WDR49: variants seen among roughly 807,000 people sequenced by gnomAD.
WDR49 encodes the protein cilia- and flagella-associated protein 337.
In WDR49, 107 loss-of-function variants were observed where a neutral mutation model predicts 119.5. The observed-to-expected ratio is 0.90, with a 90% confidence interval of 0.77 to 1.05. The LOEUF (loss-of-function observed/expected upper bound fraction) is 1.05, where lower values mean the gene tolerates loss of function less well. Among genes scored for constraint, WDR49 ranks in the 50% least tolerant of loss-of-function variants. The pLI, the probability that WDR49 is intolerant of heterozygous loss-of-function variation, is 0.00. For missense variants in WDR49, 1,240 were observed against 1,220.5 expected (o/e 1.02, Z -0.24); for synonymous variants, 425 against 418.8 (o/e 1.01, Z -0.18).
At chr3:167,620,659 G>C in intron 4 of WDR49, 56 bp from the exon 5 acceptor site, 4 of 1,445,578 alleles carry the variant, frequency 2.8e-6, no homozygotes, top group Non-Finnish European at 3.6e-6. Context: ...GTTGCAAGAA[G>C]ATTCTAGGTT....
chr3:167,527,514 CT>C (rs1248055580), intron 15 of WDR49, among the ~76,000 whole-genome samples: 17 of 151,894 alleles, frequency 1.1e-4, no homozygotes, highest in Non-Finnish European at 2.4e-4. Flanking sequence ...CCACGTTGAA[CT>C]TTTACTAAAT....
intron 7 of WDR49, among the ~76,000 whole-genome samples, chr3:167,600,923 G>T (rs914651504): frequency 6.6e-6 from 1 of 152,058 alleles, no homozygotes; most frequent in African/African-American, 2.4e-5. Context: ...AGTAGATGGG[G>T]GGAGCTTTGT....
chr3:167,604,188 G>T (rs757675465), intron 6 of WDR49, 113 bp downstream of exon 6: 1 of 1,230,822 alleles, frequency 8.1e-7, no homozygotes. Flanking sequence ...TGAGCTTCTC[G>T]AGATGGTCTC....
At chr3:167,546,771 A>AACTT (rs1315383906) in intron 10 of WDR49, among the ~76,000 whole-genome samples, 1 of 151,816 alleles carries the variant, frequency 6.6e-6, no homozygotes, top group African/African-American at 2.4e-5. Context: ...TTTTAACCCA[A>AACTT]ACTTATCATG....
chr3:167,540,702 A>T (rs1002675519), intron 10 of WDR49, among the ~76,000 whole-genome samples: 4 of 150,968 alleles, frequency 2.6e-5, no homozygotes, highest in Non-Finnish European at 5.9e-5. Context: ...ACCAAGAAGA[A>T]ACCTCTGAAT....
chr3:167,621,995 T>G (rs549023131), intron 3 of WDR49, among the ~76,000 whole-genome samples: 15 of 152,258 alleles, frequency 9.9e-5, no homozygotes, highest in East Asian at 7.7e-4. Context: ...TTACAAACCA[T>G]GTTTTATGAT....
chr3:167,611,367 A>G (rs904964424), intron 5 of WDR49, among the ~76,000 whole-genome samples: 1 of 152,200 alleles, frequency 6.6e-6, no homozygotes, highest in Admixed American at 6.5e-5. Flanking sequence ...AAGAAACTAA[A>G]TCATATCATC....
intron 2 of WDR49, among the ~76,000 whole-genome samples, chr3:167,648,963 A>G (rs921296503): frequency 2.0e-5 from 3 of 152,194 alleles, no homozygotes. Flanking sequence ...GCATTGTTGG[A>G]TAGCATAATA....
At chr3:167,531,414 A>C in intron 12 of WDR49, 135 bp from the exon 13 acceptor site, 1 of 981,620 alleles carries the variant, frequency 1.0e-6, no homozygotes, top group Non-Finnish European at 1.5e-6. Flanking sequence ...TCCAGTCAAC[A>C]TCTATCAAGC....
chr3:167,521,924 A>T (rs1184077926), intron 16 of WDR49, among the ~76,000 whole-genome samples: 1 of 152,078 alleles, frequency 6.6e-6, no homozygotes, highest in African/African-American at 2.4e-5. Context: ...ACCGCTGTGC[A>T]CTTTATCAAA....
At chr3:167,654,282 A>T (rs1208278589), upstream of WDR49, among the ~76,000 whole-genome samples, 11 of 152,138 alleles carry the variant, frequency 7.2e-5, no homozygotes, top group Non-Finnish European at 2.9e-5. Flanking sequence ...TTTTATATAA[A>T]AGGAATCTGT....
intron 3 of WDR49, among the ~76,000 whole-genome samples, chr3:167,624,601 T>C (rs972127989): frequency 3.5e-4 from 54 of 152,172 alleles, no homozygotes; most frequent in African/African-American, 1.2e-3. Flanking sequence ...CACTTTCATA[T>C]GTGCAGTATA....
rs1451580139 is a variant in WDR49, at chr3:167,556,867, A to C, written c.1675-2069T>G. 2.6e-5 allele frequency among the ~76,000 whole-genome samples: 4 copies of C among 152,170 alleles called. No individual in the cohort carries two copies. The East Asian group carries it at 7.7e-4, about 29-fold the overall frequency. On this transcript the variant is annotated intron_variant, in intron 9 of 18. Transcript: ENST00000682715. Reference sequence around the variant, plus strand: ...TGGTGAAACCCCATCTCTACTAAAAATATAAAAATTAGCCAGGCATGGTGG... The same window carrying C: ...TGGTGAAACCCCATCTCTACTAAAACTATAAAAATTAGCCAGGCATGGTGG...
At chr3:167,554,926 T>C in intron 9 of WDR49, 128 bp from the exon 10 acceptor site, 1 of 652,706 alleles carries the variant, frequency 1.5e-6, no homozygotes, top group Non-Finnish European at 2.5e-6. Flanking sequence ...TTTGCCACTA[T>C]ATTACTCTTG....
chr3:167,580,261 T>G (rs996225675), intron 7 of WDR49, among the ~76,000 whole-genome samples: 1 of 152,202 alleles, frequency 6.6e-6, no homozygotes, highest in Non-Finnish European at 1.5e-5. Context: ...CCTTCCATCT[T>G]TAATTCTCTA....
chr3:167,604,229 C>A, intron 6 of WDR49, 72 bp downstream of exon 6: 1 of 1,540,578 alleles, frequency 6.5e-7, no homozygotes, highest in Non-Finnish European at 8.8e-7. Context: ...GTAGCAAAGG[C>A]TCCATGCATA....
intron 18 of WDR49, among the ~76,000 whole-genome samples, chr3:167,495,883 G>GAAAAAAAAAA: frequency 1.4e-5 from 1 of 71,226 alleles, no homozygotes; most frequent in Non-Finnish European, 2.7e-5. Context: ...TTAAAAATTT[G>GAAAAAAAAAA]AAAAAAAAAA....
At chr3:167,654,874 G>A (rs1270567366), upstream of WDR49, among the ~76,000 whole-genome samples, 1 of 151,662 alleles carries the variant, frequency 6.6e-6, no homozygotes, top group African/African-American at 2.4e-5. Context: ...ACTCCAGCCT[G>A]GGCAACAGAA....
chr3:167,643,225 G>A (rs1717964341), intron 2 of WDR49, among the ~76,000 whole-genome samples: 3 of 151,960 alleles, frequency 2.0e-5, no homozygotes, highest in Non-Finnish European at 4.4e-5. Context: ...TCAATCAAGG[G>A]ACCCAACGTA....
Sources: gnomAD v4.1 joint callset for allele counts (sites outside exome capture counted in the v4.1 genomes callset) on GRCh38, gnomAD v4.1.1 for gene constraint, MANE v1.5 for transcripts, NCBI Gene and HGNC (gene_info 2026-07-23, HGNC 2026-07-21) for gene names.